The following EXOC4 variants were observed in gnomAD, a reference collection of about 807,000 sequenced individuals.
EXOC4 encodes SEC8-like 1.
In EXOC4, 71 loss-of-function variants were observed where a neutral mutation model predicts 107.2. The observed-to-expected ratio is 0.66, with a 90% CI of 0.55 to 0.81. The LOEUF is 0.81. EXOC4 is among the 30% of genes least tolerant of loss of function. EXOC4 has a pLI of 0.00. For synonymous variants in EXOC4, 456 were observed against 441.2 expected (o/e 1.03, Z -0.42); for missense variants, 1,108 against 1,189.6 (o/e 0.93, Z 1.01).
At chr7:133,305,609 T>C (rs1794734074) in intron 3 of EXOC4, among the ~76,000 whole-genome samples, 1 of 152,310 alleles carries the variant, frequency 6.6e-6, no homozygotes, top group South Asian at 2.1e-4. Context: ...TTTTTACACG[T>C]GTCCATTGAC....
chr7:133,968,532 C>T (rs1350646435), intron 14 of EXOC4, among the ~76,000 whole-genome samples: 2 of 152,244 alleles, frequency 1.3e-5, no homozygotes, highest in African/African-American at 4.8e-5. Flanking sequence ...TAAGGCAGGC[C>T]TGGTGGTGAC....
chr7:133,976,387 T>G (rs1403809409), intron 14 of EXOC4, among the ~76,000 whole-genome samples: 1 of 152,196 alleles, frequency 6.6e-6, no homozygotes, highest in African/African-American at 2.4e-5. Flanking sequence ...AGAGTAGAAC[T>G]TAAACAGATC....
intron 17 of EXOC4, among the ~76,000 whole-genome samples, chr7:134,047,435 GC>G (rs1795683281): frequency 6.6e-6 from 1 of 152,014 alleles, no homozygotes; most frequent in African/African-American, 2.4e-5. Context: ...CTCCTACAAT[GC>G]CTGATTTTCT....
At chr7:133,717,170 C>T (rs1174670971) in intron 10 of EXOC4, among the ~76,000 whole-genome samples, 1 of 152,070 alleles carries the variant, frequency 6.6e-6, no homozygotes, top group East Asian at 1.9e-4. Context: ...TTTTCTTATC[C>T]TTTAAGGTGG....
chr7:133,553,197 G>A (rs1308775802), intron 9 of EXOC4, among the ~76,000 whole-genome samples: 2 of 152,164 alleles, frequency 1.3e-5, no homozygotes, highest in East Asian at 1.9e-4. Flanking sequence ...TTTATAAAGT[G>A]TGATATACAT....
At position 133,584,574 on chromosome 7, in the gene EXOC4, G is replaced by GTTTTTT. The variant is rs67568218; in HGVS notation, c.1418-45466_1418-45461dup. Reference sequence around the variant, plus strand: ...AGGCCTTTGTTTTTTACGTATTTCAGTTTTTTTTTTGTTTTTTTTTTTGAG... The same window carrying GTTTTTT: ...AGGCCTTTGTTTTTTACGTATTTCAGTTTTTTTTTTTTTTTTGTTTTTTTTTTTGAG... On this transcript the variant is annotated intron_variant, in intron 9 of 17. Coordinates refer to ENST00000253861, the MANE Select transcript of EXOC4 (RefSeq NM_021807.4). Among the ~76,000 whole-genome samples, 89 of 84,810 alleles carry GTTTTTT rather than the reference G, an allele frequency of 1.0e-3. 21 individuals carry two copies. Among genetic ancestry groups the GTTTTTT allele is most frequent in the Admixed American group, 2.1e-3 (12 of 5,642 alleles). The allele number at this position is 84,810 out of a possible 152,430, so 55.6% of individuals were successfully genotyped here. A position where few individuals can be genotyped will look rare whatever the true frequency, so the allele number is the denominator to read the frequency against.
chr7:133,446,790 G>A (rs1479360133), intron 7 of EXOC4, among the ~76,000 whole-genome samples: 2 of 152,140 alleles, frequency 1.3e-5, no homozygotes, highest in African/African-American at 4.8e-5. Flanking sequence ...AATAACTACC[G>A]CTGCTTTTTT....
intron 14 of EXOC4, among the ~76,000 whole-genome samples, chr7:133,945,556 T>A (rs1585268164): frequency 6.6e-6 from 1 of 152,138 alleles, no homozygotes; most frequent in East Asian, 1.9e-4. Flanking sequence ...ATGTTCCTCT[T>A]ACACTTTTCA....
intron 17 of EXOC4, among the ~76,000 whole-genome samples, chr7:134,028,842 C>G (rs183297601): frequency 1.3e-5 from 2 of 152,338 alleles, no homozygotes; most frequent in South Asian, 2.1e-4. Context: ...GCCACTTACA[C>G]GTAATCTTCT....
At chr7:133,285,920 C>T (rs11977339) in intron 2 of EXOC4, among the ~76,000 whole-genome samples, 45,467 of 151,806 alleles carry the variant, frequency 0.3, 7,230 homozygotes, top group South Asian at 0.39. Context: ...CCACTATACC[C>T]GGCTGATTTT....
intron 7 of EXOC4, among the ~76,000 whole-genome samples, chr7:133,391,806 T>G (rs1034211425): frequency 6.6e-6 from 1 of 152,204 alleles, no homozygotes; most frequent in Non-Finnish European, 1.5e-5. Flanking sequence ...CAACTATGTT[T>G]TAATCAAGAG....
chr7:133,568,042 T>C (rs1800942398), intron 9 of EXOC4, among the ~76,000 whole-genome samples: 1 of 152,222 alleles, frequency 6.6e-6, no homozygotes, highest in African/African-American at 2.4e-5. Flanking sequence ...TTCTTATCAA[T>C]ACATTGTGTT....
chr7:133,330,223 A>T (rs556979302), intron 5 of EXOC4, among the ~76,000 whole-genome samples: 1 of 152,036 alleles, frequency 6.6e-6, no homozygotes, highest in Non-Finnish European at 1.5e-5. Flanking sequence ...TTACTCTGTG[A>T]GGGTAAAACC....
chr7:133,943,202 T>TA (rs530758042), intron 14 of EXOC4, among the ~76,000 whole-genome samples: 1 of 152,152 alleles, frequency 6.6e-6, no homozygotes, highest in African/African-American at 2.4e-5. Context: ...TGATAAAGGT[T>TA]AAAAATAATG....
intron 6 of EXOC4, among the ~76,000 whole-genome samples, chr7:133,365,521 C>G (rs1796231626): frequency 6.6e-6 from 1 of 152,148 alleles, no homozygotes; most frequent in South Asian, 2.1e-4. Flanking sequence ...AAGGAAGTGA[C>G]TAGCACCAGG....
chr7:133,253,215 G>A lies in EXOC4; in HGVS notation c.86+28G>A, dbSNP rs772856746. On this transcript the variant is annotated intron_variant, in intron 1 of 17. Coordinates refer to ENST00000253861, the MANE Select transcript of EXOC4 (RefSeq NM_021807.4). ...GAGGGAGGCAGGAGGCAGGGTCTGG[G>A]GACTGGGGGCAGCGGCTCGACCTCC... The A allele has an allele frequency of 3.1e-6, 5 of 1,608,058 alleles. No individual in the cohort carries two copies. In the African/African-American group the frequency reaches 5.4e-5, roughly 17 times the overall value.
chr7:133,629,879 G>A (rs1802547835), intron 9 of EXOC4, among the ~76,000 whole-genome samples, 166 bp from the exon 10 acceptor site: 2 of 152,012 alleles, frequency 1.3e-5, no homozygotes, highest in Admixed American at 1.3e-4. Context: ...ATTCAAGTGA[G>A]GAAGACCAGA....
chr7:133,326,859 G>A (rs1231838676), intron 5 of EXOC4, among the ~76,000 whole-genome samples: 1 of 152,224 alleles, frequency 6.6e-6, no homozygotes, highest in Non-Finnish European at 1.5e-5. Flanking sequence ...GCTCCACCCA[G>A]TTCGAGCTTC....
intron 13 of EXOC4, among the ~76,000 whole-genome samples, chr7:133,923,703 G>A (rs956890655): frequency 6.6e-6 from 1 of 151,994 alleles, no homozygotes; most frequent in African/African-American, 2.4e-5. Context: ...CACTGTACAG[G>A]CCACCTTTTT....
Sources: allele counts gnomAD v4.1 joint callset (sites outside exome capture counted in the v4.1 genomes callset), GRCh38; gene constraint gnomAD v4.1.1; transcripts MANE v1.5; gene names NCBI Gene and HGNC (gene_info 2026-07-23, HGNC 2026-07-21).